Variants in ATG7 observed in about 807,000 individuals in gnomAD.
ATG7 encodes the protein ubiquitin-like modifier-activating enzyme ATG7.
In ATG7, 70 loss-of-function variants were observed where a neutral mutation model predicts 82.4. That is an observed-to-expected ratio of 0.85 (90% confidence interval 0.70 to 1.04). ATG7 has a LOEUF of 1.04. ATG7 is among the 50% of genes least tolerant of loss of function. The pLI, the probability that ATG7 is intolerant of heterozygous loss-of-function variation, is 0.00. For synonymous variants in ATG7, 287 were observed against 313.0 expected (o/e 0.92, Z 0.88); for missense variants, 792 against 864.3 (o/e 0.92, Z 1.05).
intron 3 of ATG7, among the ~76,000 whole-genome samples, chr3:11,297,134 G>T (rs1022838460): frequency 1.3e-5 from 2 of 152,128 alleles, no homozygotes; most frequent in African/African-American, 4.8e-5. Flanking sequence ...AGGGTGGAAG[G>T]ATCACAAATC....
rs1169521692 is a variant in ATG7, at chr3:11,417,824, T to TTA, written c.1957-8979_1957-8978insAT. On this transcript the variant is annotated intron_variant, in intron 19 of 20. Transcript: ENST00000693202. The stretch of plus-strand genomic sequence containing the variant: ...TATTTTATTTTATTTTATTTTTTTT[T>TTA]TTTTTGAGACAGAGTCTTGCTCTAT... 2.1e-5 allele frequency among the ~76,000 whole-genome samples: 3 copies of TTA among 142,526 alleles called. 1 individual carries two copies. Among genetic ancestry groups the TTA allele is most frequent in the African/African-American group, 7.6e-5 (3 of 39,710 alleles). 93.5% of individuals were successfully genotyped at this position (142,526 alleles called of 152,430 possible).
At chr3:11,488,512 G>C in intron 20 of ATG7, 2 of 1,221,666 alleles carry the variant, frequency 1.6e-6, no homozygotes, top group Non-Finnish European at 2.1e-6. Flanking sequence ...CGCCGCGACT[G>C]TCCCGGCTCC....
intron 11 of ATG7, 135 bp downstream of exon 11, chr3:11,333,228 A>G (rs548980238): frequency 8.5e-7 from 1 of 1,180,946 alleles, no homozygotes; most frequent in South Asian, 2.2e-5. Context: ...TTGCCAATGC[A>G]GACACCTACT....
intron 20 of ATG7, among the ~76,000 whole-genome samples, chr3:11,520,390 C>T (rs2092409248): frequency 6.6e-6 from 1 of 152,194 alleles, no homozygotes; most frequent in African/African-American, 2.4e-5. Context: ...ATCTACTTCC[C>T]TCCTATTTTG....
downstream of ATG7, chr3:11,558,171 T>C (rs879550655): frequency 3.8e-6 from 1 of 265,190 alleles, no homozygotes; most frequent in Admixed American, 4.9e-5. Context: ...CACCCCGGTC[T>C]CAAGAAGCAA....
chr3:11,458,744 A>G (rs1306920670), intron 20 of ATG7, among the ~76,000 whole-genome samples: 1 of 152,222 alleles, frequency 6.6e-6, no homozygotes, highest in Non-Finnish European at 1.5e-5. Flanking sequence ...TCAACAAGAT[A>G]ATTCTCTGTC....
At chr3:11,532,203 T>C (rs1651168519) in intron 20 of ATG7, among the ~76,000 whole-genome samples, 3 of 152,284 alleles carry the variant, frequency 2.0e-5, no homozygotes, top group South Asian at 4.2e-4. Flanking sequence ...TGATTTCTGA[T>C]TTGTTGAGCA....
At chr3:11,308,929 T>G in intron 6 of ATG7, 55 bp from the exon 7 acceptor site, 626 of 1,485,600 alleles carry the variant, frequency 4.2e-4, no homozygotes, top group Non-Finnish European at 5.4e-4. Flanking sequence ...CACCTGAGAG[T>G]GAGAAACTCA....
At chr3:11,482,955 C>T (rs113132478) in intron 20 of ATG7, among the ~76,000 whole-genome samples, 25 of 151,930 alleles carry the variant, frequency 1.6e-4, no homozygotes, top group African/African-American at 5.6e-4. Context: ...GAGCCCCTTA[C>T]AGTCAGTACC....
chr3:11,511,490 G>C (rs752460440), intron 20 of ATG7, among the ~76,000 whole-genome samples: 3 of 152,220 alleles, frequency 2.0e-5, no homozygotes, highest in Non-Finnish European at 4.4e-5. Context: ...TAGATATAAA[G>C]ACTCTCCATG....
At chr3:11,559,625 AGT>A (rs1434815207), downstream of ATG7, among the ~76,000 whole-genome samples, 1 of 152,198 alleles carries the variant, frequency 6.6e-6, no homozygotes, top group Non-Finnish European at 1.5e-5. Flanking sequence ...CAATCCACAG[AGT>A]GAGCGCAGCT....
chr3:11,534,559 C>G (rs901286252), intron 20 of ATG7, among the ~76,000 whole-genome samples: 7 of 152,220 alleles, frequency 4.6e-5, no homozygotes, highest in Non-Finnish European at 1.0e-4. Context: ...TCCTTCATGC[C>G]GGGTGGCTAC....
intron 19 of ATG7, among the ~76,000 whole-genome samples, chr3:11,426,396 G>C (rs1187790893): frequency 2.6e-5 from 4 of 151,938 alleles, no homozygotes; most frequent in Non-Finnish European, 5.9e-5. Context: ...TATTTGGCTA[G>C]CTCGTATGTC....
At position 11,364,655 on chromosome 3, in the gene ATG7, T is replaced by G. The variant is rs777533385; in HGVS notation, c.1800-4T>G. The G allele has an allele frequency of 2.5e-6, 4 of 1,614,146 alleles. No individual in the cohort carries two copies. The African/African-American group carries it at 5.3e-5, about 22-fold the overall frequency. On this transcript the variant is annotated splice_region_variant and splice_polypyrimidine_tract_variant and intron_variant, in intron 17 of 20. Coordinates refer to ENST00000693202, the MANE Select transcript of ATG7 (RefSeq NM_001349232.2). ...GAGCAGCTCTGATTGTTTCCTGTCC[T>G]CAGGGGCTATGCCATTGCCAGCAGC...
intron 20 of ATG7, among the ~76,000 whole-genome samples, chr3:11,453,179 T>C (rs2085363152): frequency 6.6e-6 from 1 of 152,204 alleles, no homozygotes; most frequent in African/African-American, 2.4e-5. Context: ...GAGAGTTCTC[T>C]GGGTTCCCCA....
intron 16 of ATG7, among the ~76,000 whole-genome samples, chr3:11,361,561 G>C (rs999996195): frequency 6.6e-6 from 1 of 152,172 alleles, no homozygotes; most frequent in African/African-American, 2.4e-5. Flanking sequence ...GGGATTACAG[G>C]TGTGAGCCAC....
the ATG7 span, among the ~76,000 whole-genome samples, chr3:11,575,602 C>A: frequency 1.3e-5 from 2 of 152,224 alleles, no homozygotes; most frequent in African/African-American, 4.8e-5. Flanking sequence ...TGCACTTACC[C>A]AGCGGCAGCC....
intron 19 of ATG7, among the ~76,000 whole-genome samples, chr3:11,422,248 A>C (rs1424223014): frequency 1.3e-5 from 2 of 152,196 alleles, no homozygotes; most frequent in East Asian, 3.9e-4. Flanking sequence ...ATCTTCTTCC[A>C]CTAGAAGACG....
At chr3:11,335,871 G>A (rs13059407) in intron 11 of ATG7, among the ~76,000 whole-genome samples, 1 of 151,608 alleles carries the variant, frequency 6.6e-6, no homozygotes, top group African/African-American at 2.4e-5. Context: ...CTAAGTTTTT[G>A]TATCTTTAGT....
Sources: allele counts gnomAD v4.1 joint callset (sites outside exome capture counted in the v4.1 genomes callset), GRCh38; gene constraint gnomAD v4.1.1; transcripts MANE v1.5; gene names NCBI Gene and HGNC (gene_info 2026-07-23, HGNC 2026-07-21).